The following SEMA6D variants were observed in gnomAD, a reference collection of about 807,000 sequenced individuals.
The protein encoded by SEMA6D is semaphorin-6D.
A neutral mutation model predicts 106.6 loss-of-function variants in SEMA6D; 35 were observed. That is an observed-to-expected ratio of 0.33 (90% CI 0.25 to 0.44). SEMA6D has a LOEUF of 0.44. Among genes scored for constraint, SEMA6D ranks in the 20% least tolerant of loss-of-function variants. The pLI is 1.00. For synonymous variants in SEMA6D, 499 were observed against 487.7 expected (o/e 1.02, Z -0.31); for missense variants, 1,185 against 1,345.9 (o/e 0.88, Z 1.87).
At chr15:47,760,891 A>T in intron 3 of SEMA6D, 87 bp from the exon 4 acceptor site, 1 of 1,197,574 alleles carries the variant, frequency 8.4e-7, no homozygotes, top group Non-Finnish European at 1.2e-6. Context: ...AAAACACAAT[A>T]AAGGCAGATC....
intron 1 of SEMA6D, among the ~76,000 whole-genome samples, chr15:47,291,045 C>T (rs745557604): frequency 4.6e-5 from 7 of 152,082 alleles, no homozygotes; most frequent in Non-Finnish European, 8.8e-5. Context: ...TATTCCATTA[C>T]GTTTCAGGTC....
chr15:47,436,642 T>C (rs2041712539), intron 2 of SEMA6D, among the ~76,000 whole-genome samples: 1 of 150,388 alleles, frequency 6.6e-6, no homozygotes, highest in African/African-American at 2.4e-5. Context: ...TAAAGATGGA[T>C]ATTTTAGGCT....
chr15:47,196,103 G>A (rs1241359423), intron 1 of SEMA6D, among the ~76,000 whole-genome samples: 1 of 151,682 alleles, frequency 6.6e-6, no homozygotes, highest in African/African-American at 2.4e-5. Context: ...TAGCCCACAC[G>A]TTGTAGGTCC....
At chr15:47,280,081 G>T (rs1404377218) in intron 1 of SEMA6D, among the ~76,000 whole-genome samples, 1 of 151,658 alleles carries the variant, frequency 6.6e-6, no homozygotes, top group Non-Finnish European at 1.5e-5. Context: ...TCTATTGATT[G>T]GAATAGTTTC....
intron 1 of SEMA6D, among the ~76,000 whole-genome samples, chr15:47,338,184 G>A (rs1449605351): frequency 3.9e-5 from 6 of 152,180 alleles, no homozygotes; most frequent in African/African-American, 1.4e-4. Context: ...AAGTTTGGGT[G>A]TTAACGGAGA....
chr15:47,626,205 G>A (rs1050355922), intron 4 of SEMA6D, among the ~76,000 whole-genome samples: 10 of 152,156 alleles, frequency 6.6e-5, no homozygotes, highest in Admixed American at 2.6e-4. Flanking sequence ...CATCACAACC[G>A]TGTGGGCTCT....
chr15:47,184,356 G>T (rs1893388717), exon 1 of SEMA6D: 1 of 152,386 alleles, frequency 6.6e-6, no homozygotes, highest in Non-Finnish European at 1.5e-5. Context: ...TTCCGCCTGG[G>T]CCCGCGGTGC....
chr15:47,637,705 G>C (rs1566951197), intron 4 of SEMA6D, among the ~76,000 whole-genome samples: 1 of 152,162 alleles, frequency 6.6e-6, no homozygotes, highest in South Asian at 2.1e-4. Context: ...TGTAAATAAA[G>C]TAGTGGCCCA....
chr15:47,746,984 G>GTGTATATATA (rs1401767590), intron 1 of SEMA6D, among the ~76,000 whole-genome samples: 17 of 122,108 alleles, frequency 1.4e-4, no homozygotes, highest in African/African-American at 4.5e-4. Context: ...GTGTGTGTGT[G>GTGTATATATA]TATATATATA....
intron 4 of SEMA6D, among the ~76,000 whole-genome samples, chr15:47,652,157 G>A (rs891923657): frequency 2.6e-5 from 4 of 152,128 alleles, no homozygotes; most frequent in Non-Finnish European, 4.4e-5. Context: ...ATTCCCTGCT[G>A]TCTTTAAAAA....
chr15:47,193,486 A>G (rs898856824), intron 1 of SEMA6D, among the ~76,000 whole-genome samples: 4 of 152,160 alleles, frequency 2.6e-5, no homozygotes, highest in African/African-American at 7.2e-5. Flanking sequence ...AGAATAAGGA[A>G]TACTGAACCT....
At chr15:47,735,706 C>G (rs1458190094) in intron 1 of SEMA6D, among the ~76,000 whole-genome samples, 1 of 152,164 alleles carries the variant, frequency 6.6e-6, no homozygotes, top group Non-Finnish European at 1.5e-5. Flanking sequence ...AATCACCCGC[C>G]TAAACGTTTG....
chr15:47,348,723 CACACAG>C (rs1293377509), intron 1 of SEMA6D, among the ~76,000 whole-genome samples: 10 of 45,606 alleles, frequency 2.2e-4, no homozygotes, highest in African/African-American at 5.1e-4. Context: ...ACACACCACA[CACACAG>C]AGAGAGAGAG....
chr15:47,417,411 A>ATG (rs748058350), intron 2 of SEMA6D, among the ~76,000 whole-genome samples: 4 of 112,180 alleles, frequency 3.6e-5, no homozygotes, highest in Non-Finnish European at 3.7e-5. Flanking sequence ...GTGTGTGTGT[A>ATG]TATGTGTGTG....
chr15:47,330,858 G>A (rs139275881), intron 1 of SEMA6D, among the ~76,000 whole-genome samples: 1 of 152,126 alleles, frequency 6.6e-6, no homozygotes, highest in Non-Finnish European at 1.5e-5. Context: ...GAGAGTCGCT[G>A]CTTATAGGAC....
chr15:47,709,342 C>T (rs1261751457), intron 4 of SEMA6D, among the ~76,000 whole-genome samples: 1 of 152,124 alleles, frequency 6.6e-6, no homozygotes, highest in Non-Finnish European at 1.5e-5. Flanking sequence ...CTGTACTCTA[C>T]CCACACCTTA....
At chr15:47,744,268 C>G (rs903649413) in intron 1 of SEMA6D, among the ~76,000 whole-genome samples, 3 of 152,146 alleles carry the variant, frequency 2.0e-5, no homozygotes, top group African/African-American at 7.2e-5. Flanking sequence ...GTGAAAAGCT[C>G]TTTCCCCAAA....
chr15:47,561,822 A>T (rs772205858), intron 3 of SEMA6D, among the ~76,000 whole-genome samples: 1 of 151,882 alleles, frequency 6.6e-6, no homozygotes, highest in Non-Finnish European at 1.5e-5. Flanking sequence ...ACAAAATTGC[A>T]TGAGAGAGGA....
intron 1 of SEMA6D, among the ~76,000 whole-genome samples, chr15:47,353,430 T>A (rs1156675345): frequency 6.6e-6 from 1 of 152,170 alleles, no homozygotes; most frequent in Non-Finnish European, 1.5e-5. Flanking sequence ...ACCGTATGCT[T>A]CTAACAAAGA....
Sources: allele counts gnomAD v4.1 joint callset (sites outside exome capture counted in the v4.1 genomes callset), GRCh38; gene constraint gnomAD v4.1.1; transcripts MANE v1.5; gene names NCBI Gene and HGNC (gene_info 2026-07-23, HGNC 2026-07-21).